Variants in SPG21 observed in about 807,000 individuals in gnomAD.
SPG21 encodes the protein SPG21 abhydrolase domain containing, maspardin, also known as maspardin.
A neutral mutation model predicts 38.9 loss-of-function variants in SPG21; 26 were observed. The observed-to-expected ratio is 0.67, with a 90% CI of 0.49 to 0.93. SPG21 has a LOEUF of 0.93. Ranked by LOEUF, SPG21 falls within the 40% of genes least tolerant of loss-of-function variation. The probability of loss-of-function intolerance (pLI) is 0.00; values close to 1 mark genes in which losing one functional copy is unlikely to be tolerated. For missense variants in SPG21, 333 were observed against 376.5 expected, an observed-to-expected ratio of 0.88 and a Z score of 0.96; for synonymous variants, 136 against 128.9, an observed-to-expected ratio of 1.05 and a Z score of -0.37.
chr15:64,977,263 C>G (rs573839012), intron 3 of SPG21, among the ~76,000 whole-genome samples: 2 of 152,302 alleles, frequency 1.3e-5, no homozygotes, highest in Admixed American at 6.5e-5. Flanking sequence ...CACAGTTTTG[C>G]CATGTTGGCC....
chr15:64,971,183 G>T (rs1020313620), intron 5 of SPG21, among the ~76,000 whole-genome samples: 1 of 152,146 alleles, frequency 6.6e-6, no homozygotes, highest in African/African-American at 2.4e-5. Context: ...TTGGCCTCCC[G>T]AGTAGCTGGG....
chr15:64,986,717 CAA>C (rs929943772), intron 1 of SPG21, among the ~76,000 whole-genome samples: 3 of 114,340 alleles, frequency 2.6e-5, no homozygotes, highest in African/African-American at 9.1e-5. Context: ...AAACAAAAAA[CAA>C]AAAAACAAAA....
At chr15:64,977,892 G>A (rs547098208) in intron 3 of SPG21, among the ~76,000 whole-genome samples, 5 of 151,932 alleles carry the variant, frequency 3.3e-5, no homozygotes, top group South Asian at 4.2e-4. Flanking sequence ...GCGCGATCTC[G>A]GCTCACTGCA....
chr15:64,986,077 A>G (rs886133092), intron 1 of SPG21, among the ~76,000 whole-genome samples: 3 of 152,282 alleles, frequency 2.0e-5, no homozygotes, highest in East Asian at 3.9e-4. Context: ...TTAAATATTA[A>G]TATGTTAAGG....
intron 1 of SPG21, among the ~76,000 whole-genome samples, chr15:64,988,248 A>C (rs2086038369): frequency 6.6e-6 from 1 of 152,000 alleles, no homozygotes; most frequent in Admixed American, 6.6e-5. Context: ...AACAAACAAA[A>C]AAACCTGCCA....
Position 64,963,600 on chromosome 15 carries a change from CATT to C in SPG21, c.*17_*19del. 1.9e-6 allele frequency: 3 copies of C among 1,584,218 alleles called. No individual in the cohort carries two copies. The highest frequency in any genetic ancestry group is 2.6e-6 in the Non-Finnish European group (3 of 1,153,388). ...ACAAGAACACACCGGGTCAACTCAT[CATT>C]GACAGCGAGAGACACACTACTGCTC... On this transcript the variant is annotated 3_prime_UTR_variant, in exon 9 of 9. Coordinates refer to ENST00000204566, the MANE Select transcript of SPG21 (RefSeq NM_016630.7).
chr15:64,979,088 A>C (rs994462501), intron 3 of SPG21, among the ~76,000 whole-genome samples: 4 of 152,244 alleles, frequency 2.6e-5, no homozygotes, highest in Admixed American at 2.6e-4. Flanking sequence ...CATTCTGATC[A>C]CATCTTGATG....
chr15:64,978,095 T>C (rs985778488), intron 3 of SPG21, among the ~76,000 whole-genome samples: 4 of 150,028 alleles, frequency 2.7e-5, no homozygotes, highest in Admixed American at 6.6e-5. Flanking sequence ...CCTCCCAAAG[T>C]GCTGGGATTA....
At chr15:64,969,430 G>T in intron 6 of SPG21, 68 bp from the exon 7 acceptor site, 1 of 1,122,538 alleles carries the variant, frequency 8.9e-7, no homozygotes. Flanking sequence ...TAAATCCACA[G>T]ACAACATTTG....
chr15:64,972,739 G>A (rs2085693271), intron 5 of SPG21, among the ~76,000 whole-genome samples: 2 of 152,238 alleles, frequency 1.3e-5, no homozygotes, highest in African/African-American at 4.8e-5. Flanking sequence ...GGCTGAGGCA[G>A]GAGAATGGCG....
chr15:64,971,288 C>T (rs1043568730), intron 5 of SPG21, among the ~76,000 whole-genome samples: 1 of 151,888 alleles, frequency 6.6e-6, no homozygotes. Context: ...GCCTGTAATC[C>T]CAGCACTTTG....
chr15:64,984,752 CTTTT>C (rs66644150), intron 1 of SPG21, among the ~76,000 whole-genome samples: 2,439 of 140,276 alleles, frequency 0.017, 30 homozygotes, highest in Admixed American at 0.025. Flanking sequence ...ATGTAGTTCC[CTTTT>C]TTTTTTTTTT....
intron 7 of SPG21, among the ~76,000 whole-genome samples, chr15:64,968,702 A>G (rs1432099209): frequency 2.0e-5 from 3 of 152,168 alleles, no homozygotes; most frequent in African/African-American, 4.8e-5. Flanking sequence ...TGTACATTTT[A>G]CCACAATAAA....
intron 3 of SPG21, among the ~76,000 whole-genome samples, chr15:64,978,032 C>G (rs895741828): frequency 2.0e-5 from 3 of 150,624 alleles, no homozygotes; most frequent in Non-Finnish European, 4.4e-5. Context: ...GGGGTTTCAC[C>G]ATGTTAGCCA....
chr15:64,966,132 A>G (rs2140407897), intron 7 of SPG21, among the ~76,000 whole-genome samples: 1 of 152,334 alleles, frequency 6.6e-6, no homozygotes, highest in Non-Finnish European at 1.5e-5. Flanking sequence ...GCCCCAAAAG[A>G]ACTTTTTACT....
Position 64,980,825 on chromosome 15 carries a change from C to T in SPG21, c.225+39G>A, listed in dbSNP as rs769970117. 16 of 1,591,360 alleles carry T rather than the reference C, an allele frequency of 1.0e-5. No individual in the cohort carries two copies. The Admixed American group carries it at 1.6e-4, about 16-fold the overall frequency. Reference sequence around the variant, plus strand: ...ACAGAAGCATAAAAAAAAAAAAACACACAAAACGTGGGTCTGAATTTTAAT... The same window carrying T: ...ACAGAAGCATAAAAAAAAAAAAACATACAAAACGTGGGTCTGAATTTTAAT... On this transcript the variant is annotated intron_variant, in intron 3 of 8. Coordinates refer to ENST00000204566, the MANE Select transcript of SPG21 (RefSeq NM_016630.7).
intron 3 of SPG21, among the ~76,000 whole-genome samples, chr15:64,977,910 C>T (rs2140434754): frequency 6.6e-6 from 1 of 152,186 alleles, no homozygotes; most frequent in African/African-American, 2.4e-5. Flanking sequence ...GCAACCTCCA[C>T]CTCCCAGGTT....
chr15:64,969,433 A>G, intron 6 of SPG21, 71 bp from the exon 7 acceptor site: 1 of 1,107,722 alleles, frequency 9.0e-7, no homozygotes, highest in Non-Finnish European at 1.4e-6. Context: ...ATCCACAGAC[A>G]ACATTTGTGC....
intron 7 of SPG21, among the ~76,000 whole-genome samples, chr15:64,966,626 G>A (rs758956237): frequency 2.6e-5 from 4 of 152,088 alleles, no homozygotes; most frequent in South Asian, 2.1e-4. Context: ...ATGGCCAGGT[G>A]CGGTGGCTCA....
Sources: gnomAD v4.1 joint callset for allele counts (sites outside exome capture counted in the v4.1 genomes callset) on GRCh38, gnomAD v4.1.1 for gene constraint, MANE v1.5 for transcripts, NCBI Gene and HGNC (gene_info 2026-07-23, HGNC 2026-07-21) for gene names.